ARHGAP15: variants seen among roughly 807,000 people sequenced by gnomAD.
ARHGAP15 encodes Rho GTPase activating protein 15.
ARHGAP15 carries 51 observed loss-of-function variants against 63.7 expected under a neutral mutation model. The ratio of observed to expected loss-of-function variants is 0.80; its 90% CI spans 0.64 to 1.01. The LOEUF (loss-of-function observed/expected upper bound fraction) is 1.01, where lower values mean the gene tolerates loss of function less well. Ranked by LOEUF, ARHGAP15 falls within the 50% of genes least tolerant of loss-of-function variation. ARHGAP15 has a pLI of 0.00. For missense variants in ARHGAP15, 560 were observed against 564.6 expected, an observed-to-expected ratio of 0.99 and a Z score of 0.08; for synonymous variants, 191 against 193.8, an observed-to-expected ratio of 0.99 and a Z score of 0.12.
intron 6 of ARHGAP15, among the ~76,000 whole-genome samples, chr2:143,268,757 G>A (rs1207248670): frequency 6.6e-6 from 1 of 151,972 alleles, no homozygotes; most frequent in South Asian, 2.1e-4. Flanking sequence ...GTAAAAATCC[G>A]TATATTACTG....
chr2:143,542,792 AT>A (rs1695153993), intron 10 of ARHGAP15, among the ~76,000 whole-genome samples: 1 of 125,060 alleles, frequency 8.0e-6, no homozygotes, highest in African/African-American at 3.2e-5. Context: ...TATATATAAT[AT>A]CACATATATA....
chr2:143,730,331 G>A (rs1458497085), intron 13 of ARHGAP15, among the ~76,000 whole-genome samples: 1 of 152,188 alleles, frequency 6.6e-6, no homozygotes, highest in East Asian at 1.9e-4. Context: ...GTAATCGTAT[G>A]TCTCTTTCAG....
intron 6 of ARHGAP15, among the ~76,000 whole-genome samples, chr2:143,299,094 A>G (rs1246491422): frequency 1.3e-5 from 2 of 151,954 alleles, no homozygotes; most frequent in Non-Finnish European, 2.9e-5. Context: ...GAGCAAGAGT[A>G]TGTGTCTGAT....
chr2:143,641,124 G>C (rs1680577304), intron 12 of ARHGAP15: 1 of 152,118 alleles, frequency 6.6e-6, no homozygotes, highest in South Asian at 2.1e-4. Context: ...ACTCACTTTT[G>C]ACATAAGAGG....
At chr2:143,284,600 G>A (rs1428888941) in intron 6 of ARHGAP15, among the ~76,000 whole-genome samples, 2 of 152,166 alleles carry the variant, frequency 1.3e-5, no homozygotes, top group Non-Finnish European at 2.9e-5. Context: ...CAAAAGAATG[G>A]AGCCGTTCCA....
intron 1 of ARHGAP15, among the ~76,000 whole-genome samples, chr2:143,144,959 A>C (rs1689519350): frequency 6.6e-6 from 1 of 152,068 alleles, no homozygotes; most frequent in African/African-American, 2.4e-5. Context: ...GTGCAGCTGA[A>C]TCCCTTAGGG....
chr2:143,138,306 C>A, intron 1 of ARHGAP15, among the ~76,000 whole-genome samples: 1 of 151,954 alleles, frequency 6.6e-6, no homozygotes, highest in Non-Finnish European at 1.5e-5. Flanking sequence ...ATTTACAAAG[C>A]TTCTCGGTAG....
At chr2:143,339,562 A>C (rs539745252) in intron 6 of ARHGAP15, among the ~76,000 whole-genome samples, 5 of 152,252 alleles carry the variant, frequency 3.3e-5, no homozygotes, top group African/African-American at 1.2e-4. Flanking sequence ...GGTGCCTGGA[A>C]AGGAGTCTGG....
chr2:143,202,226 C>T (rs1198323478), intron 3 of ARHGAP15, 24 bp downstream of exon 3: 6 of 1,556,324 alleles, frequency 3.9e-6, no homozygotes, highest in Non-Finnish European at 5.3e-6. Context: ...TCATTATATT[C>T]TTCATCTACT....
At chr2:143,319,578 C>A (rs1364453531) in intron 6 of ARHGAP15, among the ~76,000 whole-genome samples, 1 of 152,070 alleles carries the variant, frequency 6.6e-6, no homozygotes, top group Non-Finnish European at 1.5e-5. Flanking sequence ...TAATATGTTC[C>A]CATATTCTGT....
At chr2:143,598,677 G>A (rs1050434468) in intron 11 of ARHGAP15, among the ~76,000 whole-genome samples, 6 of 152,100 alleles carry the variant, frequency 3.9e-5, no homozygotes, top group East Asian at 1.9e-4. Flanking sequence ...AAGCTGAGGC[G>A]GGAGGGTCAC....
At chr2:143,141,123 C>T (rs1689344182) in intron 1 of ARHGAP15, among the ~76,000 whole-genome samples, 1 of 152,022 alleles carries the variant, frequency 6.6e-6, no homozygotes, top group African/African-American at 2.4e-5. Flanking sequence ...ATGGTGCATA[C>T]ATTTGGCAGC....
chr2:143,259,169 T>C (rs182702800), intron 6 of ARHGAP15, among the ~76,000 whole-genome samples: 22 of 152,278 alleles, frequency 1.4e-4, no homozygotes, highest in African/African-American at 5.3e-4. Context: ...GAACATACTC[T>C]TTTGATGTGT....
chr2:143,649,573 A>G (rs1302398506), intron 12 of ARHGAP15, among the ~76,000 whole-genome samples: 1 of 151,960 alleles, frequency 6.6e-6, no homozygotes, highest in Non-Finnish European at 1.5e-5. Context: ...GTAGTTATGC[A>G]TGTGTTCATC....
intron 11 of ARHGAP15, among the ~76,000 whole-genome samples, chr2:143,559,443 G>GT (rs1316353907): frequency 6.6e-6 from 1 of 152,118 alleles, no homozygotes; most frequent in Non-Finnish European, 1.5e-5. Flanking sequence ...TGTCTCCCTG[G>GT]TTTATAGCAC....
At chr2:143,219,332 T>C (rs1354385742) in intron 4 of ARHGAP15, among the ~76,000 whole-genome samples, 1 of 152,204 alleles carries the variant, frequency 6.6e-6, no homozygotes, top group African/African-American at 2.4e-5. Context: ...GGCTTTACCA[T>C]GTAGATTTGT....
intron 9 of ARHGAP15, 67 bp downstream of exon 9, chr2:143,487,562 T>A (rs1692383723): frequency 1.3e-6 from 2 of 1,519,728 alleles, no homozygotes; most frequent in South Asian, 2.6e-5. Context: ...TCATAGCTAA[T>A]CAGCTCTAAA....
chr2:143,401,192 T>A (rs527399852), intron 6 of ARHGAP15, among the ~76,000 whole-genome samples: 24 of 152,148 alleles, frequency 1.6e-4, no homozygotes, highest in Admixed American at 7.9e-4. Flanking sequence ...CTTTTTAGTT[T>A]TGTCTTTGTT....
intron 5 of ARHGAP15, among the ~76,000 whole-genome samples, chr2:143,242,686 C>A (rs890536478): frequency 1.3e-5 from 2 of 152,094 alleles, no homozygotes; most frequent in Non-Finnish European, 2.9e-5. Context: ...TTATTAACAT[C>A]ATTTATATTC....
Sources: gnomAD v4.1 joint callset for allele counts (sites outside exome capture counted in the v4.1 genomes callset) on GRCh38, gnomAD v4.1.1 for gene constraint, MANE v1.5 for transcripts, NCBI Gene and HGNC (gene_info 2026-07-23, HGNC 2026-07-21) for gene names.